AGBL4: variants seen among roughly 807,000 people sequenced by gnomAD.
AGBL4 encodes the protein cytosolic carboxypeptidase 6.
A neutral mutation model predicts 66.4 loss-of-function variants in AGBL4; 58 were observed. That is an observed-to-expected ratio of 0.87 (90% CI 0.71 to 1.09). The LOEUF is 1.09. AGBL4 is among the 50% of genes least tolerant of loss of function. The pLI is 0.00. For synonymous variants in AGBL4, 234 were observed against 222.9 expected (o/e 1.05, Z -0.44); for missense variants, 579 against 631.0 (o/e 0.92, Z 0.88).
At chr1:48,624,587 G>C (rs952364729) in intron 9 of AGBL4, among the ~76,000 whole-genome samples, 19 of 152,206 alleles carry the variant, frequency 1.2e-4, no homozygotes, top group African/African-American at 4.6e-4. Context: ...TAGAGAGACG[G>C]CATTTTGATC....
intron 1 of AGBL4, among the ~76,000 whole-genome samples, chr1:49,913,804 A>C (rs4926545): frequency 6.6e-6 from 1 of 152,066 alleles, no homozygotes; most frequent in Admixed American, 6.5e-5. Context: ...AGAGCAGTGT[A>C]TTGAGCCACA....
intron 6 of AGBL4, among the ~76,000 whole-genome samples, chr1:48,833,490 G>A (rs896014177): frequency 1.7e-4 from 26 of 152,276 alleles, no homozygotes; most frequent in African/African-American, 5.8e-4. Flanking sequence ...TGAATTGAAA[G>A]GGTGAATTGT....
intron 2 of AGBL4, among the ~76,000 whole-genome samples, chr1:49,799,915 T>A (rs903871763): frequency 1.4e-4 from 21 of 152,136 alleles, no homozygotes; most frequent in Admixed American, 1.2e-3. Context: ...ATTAGCTTTC[T>A]TTATGTATAG....
intron 12 of AGBL4, among the ~76,000 whole-genome samples, chr1:48,537,265 G>A (rs1278266552): frequency 6.6e-6 from 1 of 152,140 alleles, no homozygotes; most frequent in African/African-American, 2.4e-5. Context: ...TGTGTGCATA[G>A]GGAGGAGGTT....
At chr1:49,978,308 G>A (rs1474771391) in intron 1 of AGBL4, among the ~76,000 whole-genome samples, 1 of 152,178 alleles carries the variant, frequency 6.6e-6, no homozygotes, top group African/African-American at 2.4e-5. Flanking sequence ...GCCAGGTATA[G>A]TGGTATGCAC....
chr1:49,532,714 T>C (rs1283816711), intron 3 of AGBL4, among the ~76,000 whole-genome samples: 2 of 152,128 alleles, frequency 1.3e-5, no homozygotes, highest in Non-Finnish European at 2.9e-5. Context: ...ATTCTAGGCA[T>C]TGTCCTGGAA....
chr1:48,886,010 C>G (rs1472286846), intron 5 of AGBL4, among the ~76,000 whole-genome samples: 2 of 152,218 alleles, frequency 1.3e-5, no homozygotes, highest in East Asian at 3.9e-4. Flanking sequence ...CACGAGCTCC[C>G]TTTCCCTTTT....
At chr1:49,366,490 C>T (rs1644243955) in intron 3 of AGBL4, among the ~76,000 whole-genome samples, 1 of 152,136 alleles carries the variant, frequency 6.6e-6, no homozygotes, top group Non-Finnish European at 1.5e-5. Context: ...TTACAAAAAT[C>T]TTAGGGGTGT....
chr1:49,569,500 AC>A (rs745591877), intron 3 of AGBL4, among the ~76,000 whole-genome samples: 21 of 152,136 alleles, frequency 1.4e-4, no homozygotes, highest in Admixed American at 3.9e-4. Flanking sequence ...TATACCTACT[AC>A]TTACACACAA....
chr1:49,774,212 A>C (rs1387183900), intron 2 of AGBL4, among the ~76,000 whole-genome samples: 1 of 152,220 alleles, frequency 6.6e-6, no homozygotes, highest in Non-Finnish European at 1.5e-5. Flanking sequence ...ACCCTGTAGC[A>C]ATAACTGCTG....
intron 8 of AGBL4, among the ~76,000 whole-genome samples, chr1:48,645,861 C>CG (rs1288194447): frequency 6.6e-6 from 1 of 151,922 alleles, no homozygotes; most frequent in African/African-American, 2.4e-5. Flanking sequence ...CAGAGGACAG[C>CG]GGGAAGGACA....
intron 3 of AGBL4, among the ~76,000 whole-genome samples, chr1:49,477,769 A>G (rs960908180): frequency 6.6e-6 from 1 of 152,054 alleles, no homozygotes; most frequent in Non-Finnish European, 1.5e-5. Flanking sequence ...TTTCAGACAG[A>G]GAATTCAAAA....
chr1:48,965,605 C>G (rs181211799), intron 5 of AGBL4, among the ~76,000 whole-genome samples: 1 of 152,190 alleles, frequency 6.6e-6, no homozygotes, highest in African/African-American at 2.4e-5. Flanking sequence ...TCCTGGTCTT[C>G]GTTAAGGTGC....
At chr1:49,611,678 G>A (rs924464350) in intron 3 of AGBL4, among the ~76,000 whole-genome samples, 1 of 152,078 alleles carries the variant, frequency 6.6e-6, no homozygotes, top group African/African-American at 2.4e-5. Flanking sequence ...CGCCCGGCCA[G>A]TATCAACCAT....
chr1:49,113,081 G>A (rs1023192533), intron 4 of AGBL4, among the ~76,000 whole-genome samples: 3 of 151,790 alleles, frequency 2.0e-5, no homozygotes, highest in African/African-American at 7.3e-5. Context: ...CTCCTGAGTA[G>A]CTGGGACTAC....
intron 3 of AGBL4, among the ~76,000 whole-genome samples, chr1:49,532,496 A>G (rs1225029673): frequency 6.6e-6 from 1 of 152,128 alleles, no homozygotes; most frequent in Non-Finnish European, 1.5e-5. Context: ...TCATTATCCA[A>G]GTAAATACAA....
intron 1 of AGBL4, among the ~76,000 whole-genome samples, chr1:49,879,660 A>T (rs1469655129): frequency 1.4e-5 from 2 of 143,180 alleles, no homozygotes; most frequent in African/African-American, 2.7e-5. Flanking sequence ...CTTCTCGAGG[A>T]GTATCTTTAT....
At chr1:49,854,303 C>G (rs906611063) in intron 1 of AGBL4, among the ~76,000 whole-genome samples, 6 of 152,060 alleles carry the variant, frequency 3.9e-5, no homozygotes, top group African/African-American at 9.6e-5. Context: ...CAGGGACCAT[C>G]TGAGGCATGA....
intron 2 of AGBL4, among the ~76,000 whole-genome samples, chr1:49,849,404 TA>T (rs1646245075): frequency 8.5e-6 from 1 of 118,308 alleles, no homozygotes; most frequent in Non-Finnish European, 2.1e-5. Flanking sequence ...TTATTATTAT[TA>T]TTATTATTAT....
Sources: allele counts gnomAD v4.1 joint callset (sites outside exome capture counted in the v4.1 genomes callset), GRCh38; gene constraint gnomAD v4.1.1; transcripts MANE v1.5; gene names NCBI Gene and HGNC (gene_info 2026-07-23, HGNC 2026-07-21).